Variants in CAPN13 observed in about 807,000 individuals in gnomAD.
CAPN13 encodes calpain-13.
CAPN13 carries 90 observed loss-of-function variants against 98.4 expected under a neutral mutation model. The observed-to-expected ratio is 0.92, with a 90% CI of 0.77 to 1.09. The LOEUF (loss-of-function observed/expected upper bound fraction) is 1.09, where lower values mean the gene tolerates loss of function less well. CAPN13 is among the 50% of genes least tolerant of loss of function. CAPN13 has a pLI of 0.00. For synonymous variants in CAPN13, 330 were observed against 305.5 expected (o/e 1.08, Z -0.84); for missense variants, 887 against 841.3 (o/e 1.05, Z -0.67).
intron 1 of CAPN13, among the ~76,000 whole-genome samples, chr2:30,800,132 G>GAAAAGAAAGA (rs1279341369): frequency 4.2e-4 from 58 of 138,774 alleles, no homozygotes; most frequent in African/African-American, 1.5e-3. Context: ...AAGAAAGAAA[G>GAAAAGAAAGA]AAAGAAAGAA....
At chr2:30,793,241 A>T (rs1226071788) in intron 1 of CAPN13, among the ~76,000 whole-genome samples, 1 of 151,780 alleles carries the variant, frequency 6.6e-6, no homozygotes, top group East Asian at 1.9e-4. Context: ...CAAAACAACT[A>T]CTAGAACTAA....
chr2:30,724,028 T>C (rs1283881888), intron 22 of CAPN13, among the ~76,000 whole-genome samples: 1 of 152,230 alleles, frequency 6.6e-6, no homozygotes, highest in Non-Finnish European at 1.5e-5. Flanking sequence ...ATGCAGTTAA[T>C]TCTTGATTTG....
chr2:30,760,142 G>T (rs1302675341), intron 7 of CAPN13, among the ~76,000 whole-genome samples: 5 of 152,194 alleles, frequency 3.3e-5, no homozygotes, highest in African/African-American at 1.2e-4. Context: ...GAGTGCAGTG[G>T]CACGATCTCG....
At chr2:30,733,776 G>A (rs1289703717) in intron 19 of CAPN13, among the ~76,000 whole-genome samples, 1 of 152,190 alleles carries the variant, frequency 6.6e-6, no homozygotes, top group African/African-American at 2.4e-5. Flanking sequence ...TTAACCCGGG[G>A]AAATGTGATT....
chr2:30,743,180 C>A (rs1572800834), intron 13 of CAPN13: 2 of 600,108 alleles, frequency 3.3e-6, no homozygotes, highest in South Asian at 4.1e-5. Flanking sequence ...GCAATGGACC[C>A]ATCCTGTTTG....
rs2148060545 is a variant in CAPN13, at chr2:30,781,129, C to CT, written c.199-3491dup. Reference sequence around the variant, plus strand: ...GAGATAGCGTTCAAGATTCACATAGCTTCTCAGGGGATTCTGAGACCCAGC... The same window carrying CT: ...GAGATAGCGTTCAAGATTCACATAGCTTTCTCAGGGGATTCTGAGACCCAGC... On this transcript the variant is annotated intron_variant, in intron 2 of 22. Transcript: ENST00000295055. 2.0e-5 allele frequency among the ~76,000 whole-genome samples: 3 copies of CT among 152,346 alleles called. No individual in the cohort carries two copies. The South Asian group carries it at 6.2e-4, about 32-fold the overall frequency.
At chr2:30,787,700 G>T (rs1023655642) in intron 1 of CAPN13, among the ~76,000 whole-genome samples, 2 of 152,212 alleles carry the variant, frequency 1.3e-5, no homozygotes, top group African/African-American at 4.8e-5. Flanking sequence ...TGAGCAGCAA[G>T]TGCGCAGAGG....
intron 7 of CAPN13, among the ~76,000 whole-genome samples, chr2:30,759,628 A>G (rs561080972): frequency 6.6e-6 from 1 of 152,326 alleles, no homozygotes; most frequent in East Asian, 1.9e-4. Context: ...CAGGGCTCAG[A>G]GCTAGGTGCG....
intron 1 of CAPN13, among the ~76,000 whole-genome samples, chr2:30,796,144 G>GTGTA (rs1674848312): frequency 7.2e-6 from 1 of 138,016 alleles, no homozygotes; most frequent in Non-Finnish European, 1.5e-5. Flanking sequence ...ATATATGTGT[G>GTGTA]TATATATATA....
chr2:30,770,552 A>G (rs1332826303), intron 4 of CAPN13, 103 bp from the exon 5 acceptor site: 5 of 1,377,020 alleles, frequency 3.6e-6, no homozygotes, highest in Non-Finnish European at 4.0e-6. Flanking sequence ...CTACAATGCA[A>G]TAATGAACTC....
intron 2 of CAPN13, among the ~76,000 whole-genome samples, chr2:30,783,140 T>C (rs2148064844): frequency 6.6e-6 from 1 of 152,318 alleles, no homozygotes; most frequent in East Asian, 1.9e-4. Flanking sequence ...CTTAGCATAA[T>C]ACTTCACTCG....
chr2:30,742,328 T>G lies in CAPN13; in HGVS notation c.1477A>C (p.Lys493Gln). Residue 493 changes from lysine to glutamine, a missense_variant and splice_region_variant, in exon 14 of 23, where the codon AAG becomes CAG. Coordinates refer to ENST00000295055, the MANE Select transcript of CAPN13 (RefSeq NM_144575.3). Reference sequence around the variant, plus strand: ...GCCAAACCTTGCTGCATACCTACCTTCATTCTGAGGTTGAAATGGCTGCTC... The same window carrying G: ...GCCAAACCTTGCTGCATACCTACCTGCATTCTGAGGTTGAAATGGCTGCTC... ...HLSSHFNLRM[K>Q]GSPSEHGSQQ... is the part of the protein sequence containing the mutation. 1 of 1,603,966 alleles carries G rather than the reference T, an allele frequency of 6.2e-7. No homozygotes were observed. The highest frequency in any genetic ancestry group is 1.3e-5 in the African/African-American group (1 of 74,888).
rs188362755 is a variant in CAPN13 at position 30,749,610 on chromosome 2, G to A, written c.1236+1493C>T. Among the ~76,000 whole-genome samples the A allele has an allele frequency of 2.9e-3, 447 of 152,298 alleles. 3 individuals carry two copies. Among genetic ancestry groups the A allele is most frequent in the South Asian group, 0.01 (50 of 4,830 alleles). The stretch of plus-strand genomic sequence containing the variant: ...TGTTAAAGGACCTCTGATATCCCTG[G>A]TGCTCAGAAAGGTGACTTGTGTGTT... On this transcript the variant is annotated intron_variant, in intron 11 of 22. Transcript: ENST00000295055.
At chr2:30,736,705 T>C in intron 17 of CAPN13, 134 bp from the exon 18 acceptor site, 1 of 764,242 alleles carries the variant, frequency 1.3e-6, no homozygotes, top group Middle Eastern at 3.5e-4. Flanking sequence ...TGTGGCCCCA[T>C]GCCAGCTGGC....
intron 1 of CAPN13, among the ~76,000 whole-genome samples, chr2:30,789,260 C>A (rs1674484750): frequency 6.6e-6 from 1 of 152,196 alleles, no homozygotes; most frequent in African/African-American, 2.4e-5. Flanking sequence ...TTGTGAAAAT[C>A]ATGGGTCTAC....
chr2:30,758,747 C>T (rs1672592623), intron 7 of CAPN13, among the ~76,000 whole-genome samples: 1 of 139,172 alleles, frequency 7.2e-6, no homozygotes, highest in African/African-American at 2.8e-5. Flanking sequence ...CCTGAACTTC[C>T]CTCCCTCCCT....
chr2:30,762,513 G>A (rs1572837529), intron 7 of CAPN13, among the ~76,000 whole-genome samples: 1 of 152,166 alleles, frequency 6.6e-6, no homozygotes, highest in African/African-American at 2.4e-5. Flanking sequence ...CTATATGGAC[G>A]TATGAGTGTC....
chr2:30,787,661 G>A (rs1025531468), intron 1 of CAPN13, among the ~76,000 whole-genome samples: 2 of 152,212 alleles, frequency 1.3e-5, no homozygotes, highest in African/African-American at 4.8e-5. Context: ...GAACTGGTAG[G>A]TAGGTTAAAA....
At chr2:30,777,454 A>G in intron 3 of CAPN13, 113 bp downstream of exon 3, 1 of 891,790 alleles carries the variant, frequency 1.1e-6, no homozygotes, top group Non-Finnish European at 1.8e-6. Flanking sequence ...TGTCCACGGC[A>G]GCACCAAGGG....
Sources: allele counts gnomAD v4.1 joint callset (sites outside exome capture counted in the v4.1 genomes callset), GRCh38; gene constraint gnomAD v4.1.1; transcripts MANE v1.5; gene names NCBI Gene and HGNC (gene_info 2026-07-23, HGNC 2026-07-21).